Variants in SAMD4B observed in about 807,000 individuals in gnomAD.
SAMD4B encodes the protein sterile alpha motif domain containing 4B.
In SAMD4B, 5 loss-of-function variants were observed where a neutral mutation model predicts 74.5. The ratio of observed to expected loss-of-function variants is 0.07; its 90% confidence interval spans 0.04 to 0.14. The LOEUF is 0.14. SAMD4B is among the 10% of genes least tolerant of loss of function. SAMD4B has a pLI of 1.00. For synonymous variants in SAMD4B, 373 were observed against 374.9 expected, an observed-to-expected ratio of 1.00 and a Z score of 0.06; for missense variants, 608 against 921.8, an observed-to-expected ratio of 0.66 and a Z score of 4.41.
chr19:39,366,086 T>G (rs1300411117), intron 3 of SAMD4B, among the ~76,000 whole-genome samples: 1 of 152,080 alleles, frequency 6.6e-6, no homozygotes, highest in African/African-American at 2.4e-5. Flanking sequence ...GGAGGAAAGG[T>G]AGGTGGATCA....
rs146576364 is a variant in SAMD4B, at chr19:39,357,848, C to G, written c.196+759C>G. Among the ~76,000 whole-genome samples, 623 of 152,320 alleles carry G rather than the reference C, an allele frequency of 4.1e-3. 4 individuals carry two copies. The highest frequency in any genetic ancestry group is 0.014 in the African/African-American group (591 of 41,556). ...CCCGAAAGCTAGCTGGGAAGGGCAT[C>G]AAGGGGCTCCATGCAGTTTGTCCAA... On this transcript the variant is annotated intron_variant, in intron 3 of 13. Coordinates refer to ENST00000610417, the MANE Select transcript of SAMD4B (RefSeq NM_001384574.2).
chr19:39,378,428 C>T lies in SAMD4B; in HGVS notation c.1445-76C>T, dbSNP rs1027089534. ...TGAGTCTCCTGTTCCTTCTTGTGCA[C>T]GAGCCAGCTGGAGGCTGGAACATGG... On this transcript the variant is annotated intron_variant, in intron 8 of 13. Transcript: ENST00000610417. This position sits in a 1 kb window ranked among gnomAD's most constrained non-coding sequence, Gnocchi z 4.4. 86 of 1,323,332 alleles carry T rather than the reference C, an allele frequency of 6.5e-5. No homozygotes were observed. The African/African-American group carries it at 7.0e-4, about 11-fold the overall frequency. 82.0% of individuals were successfully genotyped at this position (1,323,332 alleles called of 1,614,324 possible).
At chr19:39,360,874 G>T (rs540890360) in intron 3 of SAMD4B, among the ~76,000 whole-genome samples, 17 of 152,256 alleles carry the variant, frequency 1.1e-4, no homozygotes, top group African/African-American at 4.1e-4. Context: ...GAATCCTGAG[G>T]GTATGGGCCT....
intron 1 of SAMD4B, among the ~76,000 whole-genome samples, chr19:39,343,295 C>T (rs2075442849): frequency 6.6e-6 from 1 of 151,508 alleles, no homozygotes; most frequent in Non-Finnish European, 1.5e-5. Flanking sequence ...GGAGATTTTC[C>T]GCTCATACCC....
Position 39,379,991 on chromosome 19 carries a change from G to A in SAMD4B, c.1556G>A (p.Arg519Gln). The A allele has an allele frequency of 6.2e-7, 1 of 1,613,918 alleles. No individual in the cohort carries two copies. Among genetic ancestry groups the A allele is most frequent in the East Asian group, 2.2e-5 (1 of 44,872 alleles). ...GCTTTCACGGAGACGCAGAAGAAACGGCTGCTATCCTGGAAACAGCAAGTG... is the reference window on the plus strand; with the variant it reads ...GCTTTCACGGAGACGCAGAAGAAACAGCTGCTATCCTGGAAACAGCAAGTG... ...HEAFTETQKK[R>Q]LLSWKQQVLK... The change falls in exon 10 of 14, where the codon CGG (arginine) becomes CAG (glutamine). Residue 519 changes from arginine (R) to glutamine (Q), a missense_variant. Physicochemically the swap from Arg to Gln is conservative, Grantham distance 43. This residue lies in a region of SAMD4B where 27 missense variants were observed against 48.6 expected (regional missense o/e 0.56). Transcript: ENST00000610417.
chr19:39,351,597 GA>G (rs2076044208), intron 1 of SAMD4B: 1 of 152,150 alleles, frequency 6.6e-6, no homozygotes, highest in African/African-American at 2.4e-5. Flanking sequence ...TAACTGAAAA[GA>G]GTGGGCCACA....
chr19:39,371,399 G>A (rs936907719), intron 4 of SAMD4B, among the ~76,000 whole-genome samples: 3 of 152,156 alleles, frequency 2.0e-5, no homozygotes, highest in Non-Finnish European at 2.9e-5. Context: ...GAAGATAGAG[G>A]GATAGAAGGG....
chr19:39,347,896 G>C (rs1001543747), intron 1 of SAMD4B, among the ~76,000 whole-genome samples: 1 of 152,126 alleles, frequency 6.6e-6, no homozygotes, highest in Non-Finnish European at 1.5e-5. Context: ...AACATTCAAG[G>C]TCCTGAAATT....
At chr19:39,388,558 A>G (rs1449667439), downstream of SAMD4B, 1 of 1,613,946 alleles carries the variant, frequency 6.2e-7, no homozygotes, top group East Asian at 2.2e-5. Context: ...CAACCCACGC[A>G]CACATCATCT....
rs1215768329 is a variant in SAMD4B at position 39,381,080 on chromosome 19, T to G, written c.1939T>G (p.Ser647Ala). 1 of 1,612,592 alleles carries G rather than the reference T, an allele frequency of 6.2e-7. No individual in the cohort carries two copies. Among genetic ancestry groups the G allele is most frequent in the South Asian group, 1.1e-5 (1 of 90,990 alleles). Residue 647 changes from serine to alanine, a missense_variant, in exon 12 of 14, where the codon TCG (serine) becomes GCG (alanine). By Grantham distance (99) the Ser-to-Ala change is moderately conservative. Coordinates refer to ENST00000610417, the MANE Select transcript of SAMD4B (RefSeq NM_001384574.2). ...VQRTHSLPVHSSPQAILMFPP... is the reference protein window; with the variant it reads ...VQRTHSLPVHASPQAILMFPP... ...GCGCACCCACTCGCTCCCGGTCCAC[T>G]CGTCACCCCAGGCCATTCTCATGTT...
At chr19:39,387,903 C>T (rs1324343140), downstream of SAMD4B, among the ~76,000 whole-genome samples, 1 of 152,058 alleles carries the variant, frequency 6.6e-6, no homozygotes, top group East Asian at 1.9e-4. Flanking sequence ...TTTGGGAGGC[C>T]GAGGCAGGCA....
At position 39,383,722 on chromosome 19, in the gene SAMD4B, C is replaced by T. The variant is rs2145904826; in HGVS notation, c.*195C>T. 6.5e-7 allele frequency: 1 copy of T among 1,536,706 alleles called. No homozygotes were observed. The highest frequency in any genetic ancestry group is 2.4e-5 in the East Asian group (1 of 40,918). On this transcript the variant is annotated 3_prime_UTR_variant, in exon 14 of 14. Coordinates refer to ENST00000610417, the MANE Select transcript of SAMD4B (RefSeq NM_001384574.2). The surrounding 1 kb of genome is among the most constrained non-coding windows in gnomAD (Gnocchi z 4.1). Reference sequence around the variant, plus strand: ...CTCACTCCCAGGCCCGTCGAGGGATCTCTGCTGAGGCCCGGGGAGTTGGGG... The same window carrying T: ...CTCACTCCCAGGCCCGTCGAGGGATTTCTGCTGAGGCCCGGGGAGTTGGGG...
intron 1 of SAMD4B, among the ~76,000 whole-genome samples, chr19:39,343,698 C>T (rs1267818036): frequency 6.6e-6 from 1 of 151,948 alleles, no homozygotes; most frequent in Non-Finnish European, 1.5e-5. Context: ...CTGAAATCTC[C>T]AGAGGACTCT....
intron 12 of SAMD4B, among the ~76,000 whole-genome samples, chr19:39,381,473 C>T (rs962322107): frequency 2.6e-5 from 4 of 152,130 alleles, no homozygotes; most frequent in African/African-American, 9.7e-5. Context: ...GGGGATGGGA[C>T]AGTTAAAGTG....
At chr19:39,364,654 A>T (rs1408863384) in intron 3 of SAMD4B, among the ~76,000 whole-genome samples, 1 of 152,204 alleles carries the variant, frequency 6.6e-6, no homozygotes. Flanking sequence ...GGACTAAGTT[A>T]TCAAACAGGG....
At chr19:39,351,487 A>C (rs972981322) in intron 1 of SAMD4B, 1 of 152,204 alleles carries the variant, frequency 6.6e-6, no homozygotes, top group African/African-American at 2.4e-5. Flanking sequence ...CCAGACCAGT[A>C]GTGCATTCTG....
At position 39,378,679 on chromosome 19, in the gene SAMD4B, G is replaced by T. The variant is rs914181660; in HGVS notation, c.1530+90G>T. The T allele has an allele frequency of 9.3e-6, 10 of 1,076,046 alleles. No homozygotes were observed. Among genetic ancestry groups the T allele is most frequent in the Non-Finnish European group, 1.4e-5 (10 of 712,796 alleles). The allele number at this position is 1,076,046 out of a possible 1,614,324, so 66.7% of individuals were successfully genotyped here. Reference sequence around the variant, plus strand: ...GTCCCAGCACTTCGGCCACCGAGGCGGGCGGATCATGAGGTCAGGAGATCG... The same window carrying T: ...GTCCCAGCACTTCGGCCACCGAGGCTGGCGGATCATGAGGTCAGGAGATCG... On this transcript the variant is annotated intron_variant, in intron 9 of 13. Transcript: ENST00000610417. The surrounding 1 kb of genome is among the most constrained non-coding windows in gnomAD (Gnocchi z 4.4).
chr19:39,390,218 C>G, downstream of SAMD4B: 6 of 1,613,392 alleles, frequency 3.7e-6, no homozygotes, highest in Non-Finnish European at 5.1e-6. Context: ...TGCTCCCAGC[C>G]CCACTGCCCC....
intron 3 of SAMD4B, among the ~76,000 whole-genome samples, chr19:39,368,466 A>G (rs1325050292): frequency 2.6e-5 from 4 of 152,170 alleles, no homozygotes; most frequent in African/African-American, 9.7e-5. Flanking sequence ...AGAGAACCCC[A>G]AGGAAGATGG....
Sources: allele counts gnomAD v4.1 joint callset (sites outside exome capture counted in the v4.1 genomes callset), GRCh38; gene constraint gnomAD v4.1.1; regional missense constraint gnomAD v4.1.1; non-coding constraint Gnocchi (gnomAD v3.1); transcripts MANE v1.5; gene names NCBI Gene and HGNC (gene_info 2026-07-23, HGNC 2026-07-21).